Variants in PDE1C observed in about 807,000 individuals in gnomAD.
PDE1C encodes the protein phosphodiesterase 1C.
A neutral mutation model predicts 93.1 loss-of-function variants in PDE1C; 62 were observed. That is an observed-to-expected ratio of 0.67 (90% CI 0.54 to 0.82). The LOEUF is 0.82. PDE1C is among the 40% of genes least tolerant of loss of function. The pLI, the probability that PDE1C is intolerant of heterozygous loss-of-function variation, is 0.00. For missense variants in PDE1C, 742 were observed against 884.6 expected (o/e 0.84, Z 2.04); for synonymous variants, 325 against 310.1 (o/e 1.05, Z -0.50).
chr7:31,811,352 T>A (rs1787522592), intron 15 of PDE1C, among the ~76,000 whole-genome samples: 1 of 152,038 alleles, frequency 6.6e-6, no homozygotes, highest in African/African-American at 2.4e-5. Context: ...TATGTCTTTA[T>A]CAGCAGTGTG....
intron 2 of PDE1C, among the ~76,000 whole-genome samples, chr7:31,932,728 G>C (rs1804491681): frequency 6.6e-6 from 1 of 151,970 alleles, no homozygotes; most frequent in Non-Finnish European, 1.5e-5. Flanking sequence ...TATGCCCAAA[G>C]GATTATAAGT....
chr7:32,326,110 ATGGACT>A (rs1166397856), intron 1 of PDE1C, among the ~76,000 whole-genome samples: 2 of 152,194 alleles, frequency 1.3e-5, no homozygotes, highest in South Asian at 2.1e-4. Flanking sequence ...AGAAAGAAGG[ATGGACT>A]TGCCAAAAAC....
At chr7:31,617,118 G>A in the PDE1C span, among the ~76,000 whole-genome samples, 23 of 152,106 alleles carry the variant, frequency 1.5e-4, no homozygotes, top group Middle Eastern at 6.8e-3. Flanking sequence ...AGCTCGTCCC[G>A]GTATAATTTA....
rs193248978 is a variant in PDE1C at position 32,186,457 on chromosome 7, C to G, written c.137-16501G>C. 2.8e-3 allele frequency among the ~76,000 whole-genome samples: 430 copies of G among 152,226 alleles called. 4 individuals carry two copies. Among genetic ancestry groups the G allele is most frequent in the Middle Eastern group, 0.01 (3 of 294 alleles). ...ATCTATGGTTTTGGCTACATGTCAC[C>G]CGTTTGACATGTCAACTTCTAAGAA... On this transcript the variant is annotated intron_variant, in intron 2 of 18. Coordinates refer to the PDE1C transcript ENST00000396193.
intron 3 of PDE1C, among the ~76,000 whole-genome samples, chr7:32,147,304 G>GAAAGAAAGAAAGAAA (rs1554513859): frequency 0.022 from 3,086 of 142,394 alleles, 94 homozygotes; most frequent in East Asian, 0.041. Context: ...AAGAAAGAAA[G>GAAAGAAAGAAAGAAA]AAAGAAAGAA....
intron 1 of PDE1C, among the ~76,000 whole-genome samples, chr7:32,383,932 T>C (rs1320522228): frequency 2.6e-5 from 4 of 152,198 alleles, no homozygotes; most frequent in Non-Finnish European, 5.9e-5. Flanking sequence ...GAGGAAATAG[T>C]TCCCATTGCC....
chr7:31,998,014 A>T (rs375208479), intron 2 of PDE1C, among the ~76,000 whole-genome samples: 16 of 120,458 alleles, frequency 1.3e-4, no homozygotes, highest in East Asian at 9.6e-4. Flanking sequence ...TTTTATTTTT[A>T]TTTATTTATT....
intron 1 of PDE1C, among the ~76,000 whole-genome samples, chr7:32,262,743 G>A (rs1174265009): frequency 1.3e-5 from 2 of 152,202 alleles, no homozygotes; most frequent in Non-Finnish European, 2.9e-5. Context: ...GGGAGCCCCC[G>A]TAACAACTCT....
chr7:32,142,028 ACT>A (rs2128781152), intron 3 of PDE1C, among the ~76,000 whole-genome samples: 1 of 152,234 alleles, frequency 6.6e-6, no homozygotes, highest in Non-Finnish European at 1.5e-5. Context: ...TCTGTCGCTG[ACT>A]CTGTGCACTT....
intron 1 of PDE1C, among the ~76,000 whole-genome samples, chr7:32,286,785 T>C (rs1812028883): frequency 6.6e-6 from 1 of 152,216 alleles, no homozygotes; most frequent in Non-Finnish European, 1.5e-5. Flanking sequence ...GGACCAAGGA[T>C]AGGATATTAA....
chr7:32,024,308 C>T (rs994731229), intron 2 of PDE1C, among the ~76,000 whole-genome samples: 5 of 151,508 alleles, frequency 3.3e-5, no homozygotes, highest in East Asian at 2.0e-4. Context: ...TTTCAATATA[C>T]CTTTTTACAA....
At chr7:31,765,150 TC>T (rs1036971805) in intron 17 of PDE1C, among the ~76,000 whole-genome samples, 7 of 152,288 alleles carry the variant, frequency 4.6e-5, no homozygotes, top group African/African-American at 1.7e-4. Context: ...GAGCCTTCTT[TC>T]CCTGAACAAA....
chr7:31,731,600 G>T, the PDE1C span, among the ~76,000 whole-genome samples: 1 of 152,176 alleles, frequency 6.6e-6, no homozygotes, highest in Non-Finnish European at 1.5e-5. Context: ...ATGTTGGTCA[G>T]GCTGGTCTCG....
intron 6 of PDE1C, among the ~76,000 whole-genome samples, chr7:31,872,607 G>GA (rs1337515119): frequency 6.6e-6 from 1 of 152,102 alleles, no homozygotes; most frequent in Non-Finnish European, 1.5e-5. Context: ...ATGTGGTACA[G>GA]AAAAAGACTT....
rs115604394 is a variant in PDE1C at position 32,177,723 on chromosome 7, C to T, written c.137-7767G>A. ...TGCCTACAGCAGCCTGATCCCCCCTCTGCCCAGTGACCAGCCCCAGTGCTT... is the reference window on the plus strand; with the variant it reads ...TGCCTACAGCAGCCTGATCCCCCCTTTGCCCAGTGACCAGCCCCAGTGCTT... On this transcript the variant is annotated intron_variant, in intron 2 of 18. Coordinates refer to the PDE1C transcript ENST00000396193. Among the ~76,000 whole-genome samples, 683 of 152,358 alleles carry T rather than the reference C, an allele frequency of 4.5e-3. 5 individuals carry two copies. The highest frequency in any genetic ancestry group is 0.016 in the African/African-American group (655 of 41,582).
At chr7:31,734,240 G>A in the PDE1C span, among the ~76,000 whole-genome samples, 1 of 152,128 alleles carries the variant, frequency 6.6e-6, no homozygotes, top group East Asian at 1.9e-4. Context: ...ATGTGTGTAT[G>A]GAATATTAGA....
rs551820330 is a variant in PDE1C at position 32,206,244 on chromosome 7, T to G, written c.136+3245A>C. ...ATTTGGGGATTGTGTATGCTGATAA[T>G]GGGACGGCTCACTGATTAGGATGCA... On this transcript the variant is annotated intron_variant, in intron 2 of 18. Transcript: ENST00000396193. Among the ~76,000 whole-genome samples the G allele has an allele frequency of 3.9e-5, 6 of 152,028 alleles. No individual in the cohort carries two copies. The South Asian group carries it at 6.3e-4, about 16-fold the overall frequency.
At chr7:32,144,875 C>T (rs780016494) in intron 3 of PDE1C, among the ~76,000 whole-genome samples, 5 of 152,000 alleles carry the variant, frequency 3.3e-5, no homozygotes, top group Non-Finnish European at 5.9e-5. Context: ...GTGAATTTTC[C>T]ATGCGTTAGC....
intron 2 of PDE1C, among the ~76,000 whole-genome samples, chr7:32,205,844 C>T (rs187526378): frequency 4.7e-4 from 72 of 152,180 alleles, no homozygotes; most frequent in African/African-American, 1.7e-3. Context: ...CAGCTTCACC[C>T]CTGGAGTCAT....
Sources: gnomAD v4.1 joint callset for allele counts (sites outside exome capture counted in the v4.1 genomes callset) on GRCh38, gnomAD v4.1.1 for gene constraint, MANE v1.5 for transcripts, NCBI Gene and HGNC (gene_info 2026-07-23, HGNC 2026-07-21) for gene names.